Variants in NWD2 observed in about 807,000 individuals in gnomAD.
The protein encoded by NWD2 is NACHT and WD repeat domain-containing protein 2.
Under a neutral mutation model 132.7 loss-of-function variants are expected in NWD2, and 37 were observed. That is an observed-to-expected ratio of 0.28 (90% confidence interval 0.21 to 0.37). The LOEUF (loss-of-function observed/expected upper bound fraction) is 0.37, where lower values mean the gene tolerates loss of function less well. Ranked by LOEUF, NWD2 falls within the 10% of genes least tolerant of loss-of-function variation. The pLI is 1.00. For missense variants in NWD2, 1,592 were observed against 2,122.4 expected (o/e 0.75, Z 4.91); for synonymous variants, 705 against 803.0 (o/e 0.88, Z 2.06).
At position 37,447,192 on chromosome 4, in the gene NWD2, GC is replaced by G; in HGVS notation, c.5206del (p.His1736ThrfsTer14). ...GTATGCTCGGCCCTAGAAGCCAGGG[GC>G]CACAGCTATGCCCCTGATAACTGAC... Reference protein sequence around the residue: ...ERVCSALEARGHSYAPDN With the variant: ...ERVCSALEARXHSYAPDN On this transcript the variant is annotated frameshift_variant, in exon 7 of 7. Coordinates refer to ENST00000309447, the MANE Select transcript of NWD2 (RefSeq NM_001144990.2). LOFTEE classifies it high-confidence loss of function. 1 of 1,550,996 alleles carries G rather than the reference GC, an allele frequency of 6.4e-7. No individual in the cohort carries two copies. The highest frequency in any genetic ancestry group is 8.7e-7 in the Non-Finnish European group (1 of 1,146,822).
At chr4:37,428,735 C>T (rs1712073572) in intron 3 of NWD2, among the ~76,000 whole-genome samples, 1 of 152,142 alleles carries the variant, frequency 6.6e-6, no homozygotes, top group Admixed American at 6.5e-5. Flanking sequence ...TAGGCAGTAC[C>T]ACTAATTTTT....
intron 1 of NWD2, among the ~76,000 whole-genome samples, chr4:37,285,843 T>C (rs1718220504): frequency 1.3e-5 from 2 of 152,316 alleles, no homozygotes; most frequent in South Asian, 4.1e-4. Flanking sequence ...ATAGGGAGTA[T>C]CACTATTCCA....
intron 1 of NWD2, among the ~76,000 whole-genome samples, chr4:37,270,551 C>T (rs2109263129): frequency 6.6e-6 from 1 of 151,832 alleles, no homozygotes. Flanking sequence ...GTAAATACAG[C>T]ACCTTCAACT....
At chr4:37,369,371 A>G (rs1365203632) in intron 3 of NWD2, among the ~76,000 whole-genome samples, 1 of 152,128 alleles carries the variant, frequency 6.6e-6, no homozygotes, top group African/African-American at 2.4e-5. Context: ...CATCACCTGA[A>G]TAGTGTACTC....
At chr4:37,305,780 G>A (rs554780867) in intron 1 of NWD2, among the ~76,000 whole-genome samples, 1 of 152,138 alleles carries the variant, frequency 6.6e-6, no homozygotes, top group Admixed American at 6.5e-5. Flanking sequence ...TTGGTCTGTA[G>A]TTTTCTTTTT....
chr4:37,382,781 A>G (rs528409851), intron 3 of NWD2, among the ~76,000 whole-genome samples: 360 of 151,854 alleles, frequency 2.4e-3, no homozygotes, highest in Middle Eastern at 0.01. Flanking sequence ...GCCTCCACTC[A>G]CCAGGTTCAA....
At chr4:37,381,843 T>C (rs1266264589) in intron 3 of NWD2, among the ~76,000 whole-genome samples, 1 of 152,176 alleles carries the variant, frequency 6.6e-6, no homozygotes, top group Non-Finnish European at 1.5e-5. Flanking sequence ...AAATCAATGT[T>C]CCAAAGAATT....
At chr4:37,378,472 G>T (rs184848186) in intron 3 of NWD2, among the ~76,000 whole-genome samples, 149 of 152,306 alleles carry the variant, frequency 9.8e-4, no homozygotes, top group African/African-American at 3.4e-3. Context: ...TTCCAAGAAC[G>T]GAAGGAAGTC....
intron 2 of NWD2, among the ~76,000 whole-genome samples, chr4:37,336,389 T>C (rs1341889491): frequency 6.6e-6 from 1 of 152,188 alleles, no homozygotes; most frequent in East Asian, 1.9e-4. Context: ...CACATTGCAA[T>C]TTGGACTGGC....
intron 3 of NWD2, among the ~76,000 whole-genome samples, chr4:37,379,577 T>C (rs186173203): frequency 6.6e-6 from 1 of 152,298 alleles, no homozygotes; most frequent in Non-Finnish European, 1.5e-5. Context: ...ATGCTTTTTG[T>C]TGGTGTGGGT....
At chr4:37,383,999 G>A (rs1322502735) in intron 3 of NWD2, among the ~76,000 whole-genome samples, 2 of 151,968 alleles carry the variant, frequency 1.3e-5, no homozygotes, top group Non-Finnish European at 2.9e-5. Flanking sequence ...TGCAGGACGT[G>A]CCGGTCTGTT....
chr4:37,441,525 T>C (rs907889545), intron 6 of NWD2, among the ~76,000 whole-genome samples: 2 of 152,136 alleles, frequency 1.3e-5, no homozygotes, highest in African/African-American at 4.8e-5. Flanking sequence ...GCACAAGAGG[T>C]CAAGACTTAT....
intron 3 of NWD2, among the ~76,000 whole-genome samples, chr4:37,385,360 G>C (rs558101386): frequency 6.6e-6 from 1 of 152,288 alleles, no homozygotes; most frequent in East Asian, 1.9e-4. Context: ...GAATCTAGCT[G>C]TTGGAAATCA....
intron 3 of NWD2, among the ~76,000 whole-genome samples, chr4:37,374,734 G>T (rs1720307195): frequency 6.6e-6 from 1 of 152,124 alleles, no homozygotes; most frequent in African/African-American, 2.4e-5. Flanking sequence ...TAGGAATAAG[G>T]TTATTTAGCC....
chr4:37,390,304 A>C (rs752351246), intron 3 of NWD2, among the ~76,000 whole-genome samples: 67 of 152,232 alleles, frequency 4.4e-4, no homozygotes, highest in Non-Finnish European at 8.1e-4. Flanking sequence ...AGAAAATATC[A>C]GAGTGCATAT....
At chr4:37,345,427 T>C (rs1340420970) in intron 2 of NWD2, among the ~76,000 whole-genome samples, 7 of 152,224 alleles carry the variant, frequency 4.6e-5, no homozygotes, top group Admixed American at 2.0e-4. Flanking sequence ...TGAAGTGTTA[T>C]TATACTTTTG....
chr4:37,309,196 C>A (rs931864761), intron 1 of NWD2, among the ~76,000 whole-genome samples: 2 of 152,156 alleles, frequency 1.3e-5, no homozygotes, highest in Non-Finnish European at 2.9e-5. Context: ...GTCAGCGTTG[C>A]CAGTGACACT....
intron 3 of NWD2, among the ~76,000 whole-genome samples, chr4:37,413,977 G>C (rs1297489238): frequency 6.6e-6 from 1 of 151,970 alleles, no homozygotes; most frequent in Non-Finnish European, 1.5e-5. Context: ...GTCAGGGGGT[G>C]GGGGGCAAGG....
intron 3 of NWD2, among the ~76,000 whole-genome samples, chr4:37,400,584 G>A (rs1318546515): frequency 1.3e-5 from 2 of 152,182 alleles, no homozygotes; most frequent in Admixed American, 6.5e-5. Flanking sequence ...GTTCAGCTTT[G>A]TGACTAATTT....
Sources: allele counts gnomAD v4.1 joint callset (sites outside exome capture counted in the v4.1 genomes callset), GRCh38; gene constraint gnomAD v4.1.1; transcripts MANE v1.5; gene names NCBI Gene and HGNC (gene_info 2026-07-23, HGNC 2026-07-21).